RARB: variants seen among roughly 807,000 people sequenced by gnomAD.
RARB encodes the protein retinoic acid receptor beta.
RARB carries 17 observed loss-of-function variants against 51.9 expected under a neutral mutation model. The observed-to-expected ratio is 0.33, with a 90% CI of 0.22 to 0.49. The LOEUF is 0.49. RARB is among the 20% of genes least tolerant of loss of function. The pLI is 0.99. For missense variants in RARB, 369 were observed against 550.8 expected (o/e 0.67, Z 3.30); for synonymous variants, 215 against 195.4 (o/e 1.10, Z -0.84).
At chr3:25,079,400 G>A (rs985262958) in intron 3 of RARB, among the ~76,000 whole-genome samples, 10 of 152,146 alleles carry the variant, frequency 6.6e-5, no homozygotes, top group South Asian at 2.1e-4. Flanking sequence ...CCTCTAATAC[G>A]TTGTTGAATA....
intron 5 of RARB, among the ~76,000 whole-genome samples, chr3:25,196,676 C>A (rs1363009690): frequency 6.6e-6 from 1 of 152,164 alleles, no homozygotes; most frequent in South Asian, 2.1e-4. Flanking sequence ...AACTAGTTTA[C>A]AGTCCCACCA....
At chr3:25,121,308 A>G (rs1162132360) in intron 3 of RARB, among the ~76,000 whole-genome samples, 1 of 152,174 alleles carries the variant, frequency 6.6e-6, no homozygotes, top group Non-Finnish European at 1.5e-5. Context: ...AACTCCCAAG[A>G]ATAAACCAGA....
intron 5 of RARB, among the ~76,000 whole-genome samples, chr3:25,248,754 TC>T (rs1214598412): frequency 1.3e-5 from 2 of 152,126 alleles, no homozygotes; most frequent in Non-Finnish European, 2.9e-5. Flanking sequence ...TTAAAATGTA[TC>T]ATTCTGTTAT....
At chr3:25,483,527 CTT>C (rs199602182) in intron 2 of RARB, among the ~76,000 whole-genome samples, 4,492 of 113,636 alleles carry the variant, frequency 0.04, 256 homozygotes, top group African/African-American at 0.13. Context: ...CATATTTCTT[CTT>C]TTTTTTTTTT....
chr3:25,250,453 C>T (rs1702684325), intron 5 of RARB, among the ~76,000 whole-genome samples: 1 of 152,186 alleles, frequency 6.6e-6, no homozygotes, highest in Non-Finnish European at 1.5e-5. Context: ...CAACCATAAA[C>T]AGGCAGCTGG....
chr3:25,347,438 A>T (rs1050961154), intron 5 of RARB, among the ~76,000 whole-genome samples: 1 of 152,234 alleles, frequency 6.6e-6, no homozygotes, highest in Non-Finnish European at 1.5e-5. Flanking sequence ...GCTGTATTTG[A>T]TGATAGTGTT....
chr3:25,348,998 A>G (rs1202038083), intron 5 of RARB, among the ~76,000 whole-genome samples: 4 of 152,174 alleles, frequency 2.6e-5, no homozygotes, highest in Admixed American at 6.6e-5. Flanking sequence ...TTTGGTATAT[A>G]TAATACAAAT....
At chr3:24,899,091 C>T (rs116174883) in intron 2 of RARB, among the ~76,000 whole-genome samples, 44 of 152,132 alleles carry the variant, frequency 2.9e-4, no homozygotes, top group Admixed American at 2.9e-3. Context: ...AGGCCCTGCC[C>T]CTGACCTTCC....
intron 2 of RARB, among the ~76,000 whole-genome samples, chr3:25,017,375 G>GT (rs1299761280): frequency 7.7e-6 from 1 of 130,256 alleles, no homozygotes; most frequent in Non-Finnish European, 1.6e-5. Flanking sequence ...AGTTCATCAT[G>GT]TTTAAAAAAA....
At chr3:25,059,601 T>C (rs1412708465) in intron 2 of RARB, among the ~76,000 whole-genome samples, 1 of 151,806 alleles carries the variant, frequency 6.6e-6, no homozygotes, top group East Asian at 1.9e-4. Flanking sequence ...AAAATAAAAC[T>C]AGAAACAAAA....
rs58611383 is a variant in RARB at position 25,563,947 on chromosome 3, CTT to C, written c.449-5795_449-5794del. On this transcript the variant is annotated intron_variant, in intron 3 of 7. Coordinates refer to ENST00000330688, the MANE Select transcript of RARB (RefSeq NM_000965.5). ...CAAAAATACCATCAATTGTATTTTC[CTT>C]TTTTTTTTTTTTTTTGATGTGAAAG... Among the ~76,000 whole-genome samples the C allele has an allele frequency of 3.8e-3, 526 of 136,948 alleles. 2 individuals carry two copies. Among genetic ancestry groups the C allele is most frequent in the African/African-American group, 9.4e-3 (351 of 37,386 alleles). 89.8% of individuals were successfully genotyped at this position (136,948 alleles called of 152,430 possible).
chr3:25,452,861 A>G (rs976896755), intron 1 of RARB, among the ~76,000 whole-genome samples: 1 of 152,238 alleles, frequency 6.6e-6, no homozygotes, highest in East Asian at 1.9e-4. Flanking sequence ...GTAGGCGCTC[A>G]GTAAATAGTA....
intron 2 of RARB, among the ~76,000 whole-genome samples, chr3:25,462,026 A>G (rs1695211851): frequency 6.6e-6 from 1 of 152,218 alleles, no homozygotes; most frequent in African/African-American, 2.4e-5. Flanking sequence ...AGTCCACTGA[A>G]TCAACTTGCA....
chr3:25,346,133 C>G (rs1432042000), intron 5 of RARB, among the ~76,000 whole-genome samples: 1 of 152,194 alleles, frequency 6.6e-6, no homozygotes, highest in African/African-American at 2.4e-5. Context: ...GTCTCTCAGT[C>G]TTGTCCTTAT....
intron 2 of RARB, among the ~76,000 whole-genome samples, chr3:25,035,042 T>C (rs1249251374): frequency 6.6e-6 from 1 of 152,214 alleles, no homozygotes; most frequent in African/African-American, 2.4e-5. Flanking sequence ...AGTAAAGAAA[T>C]ATTAATAGGT....
chr3:24,864,842 G>A (rs1460523037), intron 2 of RARB, among the ~76,000 whole-genome samples: 1 of 152,190 alleles, frequency 6.6e-6, no homozygotes, highest in African/African-American at 2.4e-5. Context: ...TTTGGAAGGT[G>A]TGTGAAAACA....
chr3:24,874,065 T>C (rs1016976471), intron 2 of RARB, among the ~76,000 whole-genome samples: 2 of 152,038 alleles, frequency 1.3e-5, no homozygotes, highest in Admixed American at 6.6e-5. Flanking sequence ...TGATTTGAAA[T>C]ATACGAGAGG....
intron 4 of RARB, among the ~76,000 whole-genome samples, chr3:25,157,802 C>G (rs1328300038): frequency 2.0e-5 from 3 of 152,182 alleles, no homozygotes; most frequent in Non-Finnish European, 4.4e-5. Flanking sequence ...AGATTTTACT[C>G]TTTGCCTCTA....
chr3:25,491,617 A>G (rs907692806), intron 2 of RARB, among the ~76,000 whole-genome samples: 2 of 152,180 alleles, frequency 1.3e-5, no homozygotes, highest in Non-Finnish European at 2.9e-5. Context: ...ACTTTATACA[A>G]AATGAAAATG....
Sources: gnomAD v4.1 joint callset for allele counts (sites outside exome capture counted in the v4.1 genomes callset) on GRCh38, gnomAD v4.1.1 for gene constraint, MANE v1.5 for transcripts, NCBI Gene and HGNC (gene_info 2026-07-23, HGNC 2026-07-21) for gene names.